MINPP1: variants seen among roughly 807,000 people sequenced by gnomAD.
The protein encoded by MINPP1 is multiple inositol-polyphosphate phosphatase 1, also known as multiple inositol polyphosphate phosphatase 1.
In MINPP1, 28 loss-of-function variants were observed where a neutral mutation model predicts 46.1. The ratio of observed to expected loss-of-function variants is 0.61; its 90% CI spans 0.45 to 0.83. The LOEUF is 0.83. Among genes scored for constraint, MINPP1 ranks in the 40% least tolerant of loss-of-function variants. The pLI, the probability that MINPP1 is intolerant of heterozygous loss-of-function variation, is 0.00. For missense variants in MINPP1, 603 were observed against 610.0 expected, an observed-to-expected ratio of 0.99 and a Z score of 0.12; for synonymous variants, 268 against 249.1, an observed-to-expected ratio of 1.08 and a Z score of -0.72.
chr10:87,552,220 G>A lies in MINPP1; in HGVS notation c.1206G>A (p.Lys402=), dbSNP rs935047482. The A allele has an allele frequency of 6.2e-7, 1 of 1,613,658 alleles. No individual in the cohort carries two copies. The highest frequency in any genetic ancestry group is 1.3e-5 in the African/African-American group (1 of 74,884). Reference sequence around the variant, plus strand: ...ATTACAAAAAACAAATGCATCGGAAGTTCCGAAGTGGTCTCATTGTACCTT... The same window carrying A: ...ATTACAAAAAACAAATGCATCGGAAATTCCGAAGTGGTCTCATTGTACCTT... ...AYNYKKQMHR[K]FRSGLIVPYA... The change falls in exon 5 of 5, where the codon AAG becomes AAA. Residue 402 remains lysine (K), a synonymous_variant. Transcript: ENST00000371996.
At chr10:87,515,990 G>C (rs1254840577) in intron 3 of MINPP1, among the ~76,000 whole-genome samples, 1 of 149,918 alleles carries the variant, frequency 6.7e-6, no homozygotes, top group African/African-American at 2.4e-5. Flanking sequence ...CATCATGCCC[G>C]GCTAATGTTT....
At chr10:87,510,975 C>T (rs187422583) in intron 2 of MINPP1, among the ~76,000 whole-genome samples, 15 of 152,142 alleles carry the variant, frequency 9.9e-5, no homozygotes, top group Admixed American at 4.6e-4. Context: ...TTTTAATTTT[C>T]GCCAATTTGA....
intron 4 of MINPP1, among the ~76,000 whole-genome samples, chr10:87,549,878 T>C (rs965965573): frequency 2.0e-5 from 3 of 152,246 alleles, no homozygotes; most frequent in Admixed American, 1.3e-4. Context: ...ATATTTATAT[T>C]ACTTGTTTTT....
intron 4 of MINPP1, among the ~76,000 whole-genome samples, chr10:87,536,184 T>TA (rs887640083): frequency 1.3e-5 from 2 of 152,122 alleles, no homozygotes; most frequent in Non-Finnish European, 2.9e-5. Context: ...AGAGGGTATA[T>TA]ACAAAGATGA....
rs2131849032 is a variant in MINPP1 at position 87,552,868 on chromosome 10, A to G, written c.*390A>G. 1 of 198,672 alleles carries G rather than the reference A, an allele frequency of 5.0e-6. No homozygotes were observed. The highest frequency in any genetic ancestry group is 1.0e-4 in the South Asian group (1 of 10,012). 12.3% of individuals were successfully genotyped at this position (198,672 alleles called of 1,614,324 possible). ...CTTGATTGAACTGTCTAGGAACTTT[A>G]CAGATTGTTCTGCAGTTCTCTCTTC... On this transcript the variant is annotated 3_prime_UTR_variant, in exon 5 of 5. Coordinates refer to ENST00000371996, the MANE Select transcript of MINPP1 (RefSeq NM_004897.5).
rs1851651075 is a variant in MINPP1 at position 87,530,957 on chromosome 10, G to C, written c.1067+9788G>C. On this transcript the variant is annotated intron_variant, in intron 4 of 4. Transcript: ENST00000371996. ...CCTTGCAATTCGATTTCAGGCTGCTGTGCTAGCAGTGAGCGAGGCTCTGTG... is the reference window on the plus strand; with the variant it reads ...CCTTGCAATTCGATTTCAGGCTGCTCTGCTAGCAGTGAGCGAGGCTCTGTG... Among the ~76,000 whole-genome samples the C allele has an allele frequency of 3.9e-5, 6 of 152,200 alleles. No homozygotes were observed. In the South Asian group the frequency reaches 8.3e-4, roughly 21 times the overall value.
chr10:87,547,835 A>G (rs7919087), intron 4 of MINPP1, among the ~76,000 whole-genome samples: 29,659 of 152,122 alleles, frequency 0.19, 2,976 homozygotes, highest in African/African-American at 0.25. Flanking sequence ...TTGCTATCAC[A>G]GATTGATTGA....
In MINPP1 at chr10:87,504,925, G is replaced by T; in HGVS notation, c.10G>T (p.Ala4Ser). Residue 4 changes from alanine (A) to serine (S), a missense_variant, in exon 1 of 5, where the codon GCG becomes TCG. By Grantham distance (99) the Ala-to-Ser change is moderately conservative (BLOSUM62 1). This residue lies in a region of MINPP1 where 239 missense variants were observed against 189.4 expected (regional missense o/e 1.26). Coordinates refer to ENST00000371996, the MANE Select transcript of MINPP1 (RefSeq NM_004897.5). Reference sequence around the variant, plus strand: ...ACTGACCGTCCCGACGATGCTACGCGCGCCCGGCTGCCTCCTCCGGACCTC... The same window carrying T: ...ACTGACCGTCCCGACGATGCTACGCTCGCCCGGCTGCCTCCTCCGGACCTC... MLR[A>S]PGCLLRTSVA... is the part of the protein sequence containing the mutation. 6.2e-7 allele frequency: 1 copy of T among 1,610,554 alleles called. No homozygotes were observed. Among genetic ancestry groups the T allele is most frequent in the East Asian group, 2.2e-5 (1 of 44,832 alleles).
intron 4 of MINPP1, among the ~76,000 whole-genome samples, chr10:87,548,354 C>T (rs149519475): frequency 0.011 from 1,709 of 152,266 alleles, 35 homozygotes; most frequent in African/African-American, 0.039. Flanking sequence ...AAGAAACTAG[C>T]ATGGTGCCTG....
chr10:87,512,073 A>G (rs1851342964), intron 2 of MINPP1, among the ~76,000 whole-genome samples: 2 of 152,158 alleles, frequency 1.3e-5, no homozygotes, highest in South Asian at 2.1e-4. Context: ...TTAAAGAAAA[A>G]TCAAAGCAAT....
chr10:87,535,584 C>T (rs185927251), intron 4 of MINPP1, among the ~76,000 whole-genome samples: 224 of 152,140 alleles, frequency 1.5e-3, no homozygotes, highest in Non-Finnish European at 2.7e-3. Flanking sequence ...AGGGTGTTAT[C>T]TATGCCAGAG....
At chr10:87,542,091 T>G (rs1419288729) in intron 4 of MINPP1, among the ~76,000 whole-genome samples, 1 of 152,150 alleles carries the variant, frequency 6.6e-6, no homozygotes, top group Admixed American at 6.5e-5. Flanking sequence ...AAGTCTGAAG[T>G]CTACAAAGTC....
intron 4 of MINPP1, among the ~76,000 whole-genome samples, chr10:87,549,056 C>T (rs890260541): frequency 6.6e-6 from 1 of 152,110 alleles, no homozygotes; most frequent in African/African-American, 2.4e-5. Context: ...CTTGATTTCC[C>T]ATAAAACTTC....
chr10:87,546,045 G>A (rs894379783), intron 4 of MINPP1, among the ~76,000 whole-genome samples: 2 of 152,330 alleles, frequency 1.3e-5, no homozygotes, highest in South Asian at 4.1e-4. Context: ...AGACTAGAGC[G>A]AAAGCAAGTT....
intron 3 of MINPP1, among the ~76,000 whole-genome samples, chr10:87,514,266 G>C (rs772846260): frequency 5.3e-5 from 8 of 152,100 alleles, no homozygotes; most frequent in Non-Finnish European, 1.2e-4. Flanking sequence ...AAATACTTGG[G>C]CATGCATCTA....
intron 4 of MINPP1, among the ~76,000 whole-genome samples, chr10:87,535,654 G>A (rs1470536908): frequency 3.9e-5 from 6 of 152,088 alleles, no homozygotes; most frequent in Non-Finnish European, 4.4e-5. Flanking sequence ...CTGGCCTGGC[G>A]TGGTGGCTCA....
rs2131792720 is a variant in MINPP1 at position 87,505,100 on chromosome 10, C to G, written c.185C>G (p.Ser62Trp). The G allele has an allele frequency of 1.2e-6, 2 of 1,613,454 alleles. No homozygotes were observed. Among genetic ancestry groups the G allele is most frequent in the East Asian group, 4.5e-5 (2 of 44,874 alleles). The change falls in exon 1 of 5, where the codon TCG (serine) becomes TGG (tryptophan). Residue 62 changes from serine (S) to tryptophan (W), a missense_variant. By Grantham distance (177) the Ser-to-Trp change is radical. Transcript: ENST00000371996. The surrounding 1 kb of genome is among the most constrained non-coding windows in gnomAD (Gnocchi z 4.4). ...RYEDVNPVLL[S>W]GPEAPWRDPE... The stretch of plus-strand genomic sequence containing the variant: ...GAGGATGTCAACCCCGTGCTATTGT[C>G]GGGCCCCGAGGCTCCGTGGCGGGAC...
In MINPP1 at chr10:87,513,371, TAAAG is replaced by T. The variant is rs1795899058; in HGVS notation, c.933+152_933+155del. 18 of 645,774 alleles carry T rather than the reference TAAAG, an allele frequency of 2.8e-5. No homozygotes were observed. In the South Asian group the frequency reaches 3.1e-4, roughly 11 times the overall value. The allele number at this position is 645,774 out of a possible 1,614,324, so 40.0% of individuals were successfully genotyped here. On this transcript the variant is annotated intron_variant, in intron 3 of 4. Transcript: ENST00000371996. ...TGACTAACTCCTAATTTTCCTTAAA[TAAAG>T]AGAGATTAAAGGTTCAAATTGGTCC...
intron 2 of MINPP1, 25 bp downstream of exon 2, chr10:87,508,558 T>C (rs1465246525): frequency 6.3e-7 from 1 of 1,586,240 alleles, no homozygotes; most frequent in Non-Finnish European, 8.7e-7. Flanking sequence ...GTCTTTTATT[T>C]GAACTTAACA....
Sources: allele counts gnomAD v4.1 joint callset (sites outside exome capture counted in the v4.1 genomes callset), GRCh38; gene constraint gnomAD v4.1.1; regional missense constraint gnomAD v4.1.1; non-coding constraint Gnocchi (gnomAD v3.1); transcripts MANE v1.5; gene names NCBI Gene and HGNC (gene_info 2026-07-23, HGNC 2026-07-21).